Variants in KLRG1 observed in about 807,000 individuals in gnomAD.
KLRG1 encodes the protein killer cell lectin like receptor G1.
A neutral mutation model predicts 21.8 loss-of-function variants in KLRG1; 16 were observed. The observed-to-expected ratio is 0.73, with a 90% CI of 0.50 to 1.11. The LOEUF (loss-of-function observed/expected upper bound fraction) is 1.11. KLRG1 is among the 50% of genes most tolerant of loss of function. KLRG1 has a pLI of 0.00. For synonymous variants in KLRG1, 69 were observed against 75.9 expected (o/e 0.91, Z 0.47); for missense variants, 173 against 218.3 (o/e 0.79, Z 1.31).
At chr12:9,198,472 A>T in the KLRG1 span, among the ~76,000 whole-genome samples, 11 of 152,202 alleles carry the variant, frequency 7.2e-5, no homozygotes, top group African/African-American at 2.7e-4. Flanking sequence ...GAATAAAAAT[A>T]AGTACATAAT....
chr12:9,118,415 C>T, the KLRG1 span, among the ~76,000 whole-genome samples: 1 of 152,270 alleles, frequency 6.6e-6, no homozygotes. Flanking sequence ...CTTCCTTGCC[C>T]AGGCTGGAAT....
the KLRG1 span, chr12:9,104,444 A>C: frequency 6.5e-7 from 1 of 1,536,462 alleles, no homozygotes; most frequent in Admixed American, 2.0e-5. Flanking sequence ...GTAATAACTA[A>C]TAGGCACCAA....
chr12:9,207,947 T>A, the KLRG1 span, among the ~76,000 whole-genome samples: 2 of 152,220 alleles, frequency 1.3e-5, no homozygotes, highest in African/African-American at 2.4e-5. Flanking sequence ...TCACTATATA[T>A]TTCGAATATC....
At chr12:9,092,660 G>A in the KLRG1 span, among the ~76,000 whole-genome samples, 1 of 152,094 alleles carries the variant, frequency 6.6e-6, no homozygotes, top group Non-Finnish European at 1.5e-5. Flanking sequence ...ACTCCCCTTG[G>A]TGCAAATGTA....
At chr12:9,169,360 A>G in the KLRG1 span, 5 of 1,366,860 alleles carry the variant, frequency 3.7e-6, no homozygotes, top group East Asian at 9.4e-5. Flanking sequence ...AAGATTATGA[A>G]TAGATACAGA....
chr12:9,111,936 A>G, the KLRG1 span: 1 of 694,236 alleles, frequency 1.4e-6, no homozygotes, highest in Non-Finnish European at 2.7e-6. Context: ...AGTAAATTTA[A>G]TTGTGTGACA....
At chr12:9,202,210 C>A in the KLRG1 span, 65 of 1,043,656 alleles carry the variant, frequency 6.2e-5, no homozygotes, top group Admixed American at 1.4e-3. Flanking sequence ...GAGCCAAGTT[C>A]AAAAACAAGT....
At chr12:9,169,325 G>T in the KLRG1 span, 2 of 1,120,162 alleles carry the variant, frequency 1.8e-6, no homozygotes, top group South Asian at 1.8e-5. Flanking sequence ...GCTGAAAAAT[G>T]GAGAGGCAAG....
the KLRG1 span, among the ~76,000 whole-genome samples, chr12:9,093,871 C>T: frequency 1.2e-4 from 18 of 150,166 alleles, no homozygotes; most frequent in Non-Finnish European, 1.0e-4. Context: ...GCGACCTGAG[C>T]GACAGAGTGA....
chr12:9,034,741 C>T, the KLRG1 span, among the ~76,000 whole-genome samples: 2 of 152,228 alleles, frequency 1.3e-5, no homozygotes, highest in South Asian at 4.1e-4. Flanking sequence ...GGCACCGTGC[C>T]TGGCCATTAT....
At chr12:9,119,669 G>T in the KLRG1 span, among the ~76,000 whole-genome samples, 2 of 152,180 alleles carry the variant, frequency 1.3e-5, no homozygotes, top group African/African-American at 4.8e-5. Flanking sequence ...TGAGTGGGAG[G>T]TACAAATGAC....
At chr12:9,173,901 AAAG>A in the KLRG1 span, among the ~76,000 whole-genome samples, 1 of 152,246 alleles carries the variant, frequency 6.6e-6, no homozygotes. Flanking sequence ...CCATAGGTAC[AAAG>A]AAGAGCTGGT....
At chr12:9,182,214 T>C in the KLRG1 span, 3 of 1,162,702 alleles carry the variant, frequency 2.6e-6, no homozygotes, top group Non-Finnish European at 3.5e-6. Context: ...TCTTATCCAC[T>C]TGAGAACTGC....
At chr12:9,091,077 C>T in the KLRG1 span, 3 of 1,251,362 alleles carry the variant, frequency 2.4e-6, no homozygotes, top group Non-Finnish European at 3.3e-6. Flanking sequence ...AAACCTGTAA[C>T]TTTTACAATC....
intron 3 of KLRG1, among the ~76,000 whole-genome samples, chr12:8,998,676 G>A (rs1359308626): frequency 7.5e-6 from 1 of 133,604 alleles, no homozygotes; most frequent in Non-Finnish European, 1.6e-5. Flanking sequence ...GCAACAGAGC[G>A]AGACTCTGTC....
At chr12:9,208,468 T>G in the KLRG1 span, 1 of 675,400 alleles carries the variant, frequency 1.5e-6, no homozygotes, top group Non-Finnish European at 2.6e-6. Context: ...GGCCTCTGAA[T>G]AGAGTTCAGA....
the KLRG1 span, among the ~76,000 whole-genome samples, chr12:9,021,674 T>C: frequency 6.6e-6 from 1 of 152,166 alleles, no homozygotes; most frequent in Admixed American, 6.5e-5. Flanking sequence ...AGCTTTTTTC[T>C]ATTTTAAAAC....
At chr12:9,196,874 G>T in the KLRG1 span, 1 of 789,714 alleles carries the variant, frequency 1.3e-6, no homozygotes, top group Non-Finnish European at 2.1e-6. Context: ...GAATCTTGTT[G>T]ACTAAGAACA....
chr12:8,959,491 T>C (rs1039506484), intron 1 of KLRG1, among the ~76,000 whole-genome samples: 2 of 152,180 alleles, frequency 1.3e-5, no homozygotes, highest in African/African-American at 4.8e-5. Context: ...GCCCCCTGCC[T>C]GCCAAAGTAG....
Sources: gnomAD v4.1 joint callset for allele counts (sites outside exome capture counted in the v4.1 genomes callset) on GRCh38, gnomAD v4.1.1 for gene constraint, MANE v1.5 for transcripts, NCBI Gene and HGNC (gene_info 2026-07-23, HGNC 2026-07-21) for gene names.